The following CIBAR1 variants were observed in gnomAD, a reference collection of about 807,000 sequenced individuals.
CIBAR1 encodes CBY1 interacting BAR domain containing 1.
Under a neutral mutation model 44.0 loss-of-function variants are expected in CIBAR1, and 25 were observed. The observed-to-expected ratio is 0.57, with a 90% CI of 0.41 to 0.79. The LOEUF (loss-of-function observed/expected upper bound fraction) is 0.79, where lower values mean the gene tolerates loss of function less well. CIBAR1 is among the 30% of genes least tolerant of loss of function. CIBAR1 has a pLI of 0.00. For synonymous variants in CIBAR1, 115 were observed against 119.0 expected (o/e 0.97, Z 0.22); for missense variants, 278 against 344.8 (o/e 0.81, Z 1.53).
Position 93,704,930 on chromosome 8 carries a change from A to T in CIBAR1, c.352A>T (p.Thr118Ser), listed in dbSNP as rs746802290. 3 of 1,607,426 alleles carry T rather than the reference A, an allele frequency of 1.9e-6. No homozygotes were observed. The highest frequency in any genetic ancestry group is 2.7e-5 in the African/African-American group (2 of 74,730). The change falls in exon 4 of 9, where the codon ACA becomes TCA. Residue 118 changes from threonine (T) to serine (S), a missense_variant. This residue lies in a region of CIBAR1 where 183 missense variants were observed against 218.6 expected (regional missense o/e 0.84). Transcript: ENST00000518322. ...GCAGGATGACCTCAAAGCAACACTC[A>T]CAGCAAGGAATCGAGAAGCTAAGCA... ...MKRDDLKATL[T>S]ARNREAKQLT... is the part of the protein sequence containing the mutation.
Position 93,701,438 on chromosome 8 carries a change from C to G in CIBAR1, c.241C>G (p.Gln81Glu), listed in dbSNP as rs1272649718. 1.9e-6 allele frequency: 3 copies of G among 1,613,308 alleles called. No individual in the cohort carries two copies. The African/African-American group carries it at 4.0e-5, about 22-fold the overall frequency. ...CTTTGCAGATGAGTTTGCCAAACTT[C>G]AGGATTATCGACAAGCAGAGGTATG... ...MNFADEFAKL[Q>E]DYRQAEVERL... The change falls in exon 2 of 9, where the codon CAG becomes GAG. Residue 81 changes from glutamine (Q) to glutamate (E), a missense_variant. Physicochemically the swap from Gln to Glu is conservative, Grantham distance 29. Around this residue, in one of 3 missense-constraint regions of CIBAR1, gnomAD observed 183 missense variants for 218.6 expected, o/e 0.84. Coordinates refer to ENST00000518322, the MANE Select transcript of CIBAR1 (RefSeq NM_145269.5).
chr8:93,709,964 C>A, intron 6 of CIBAR1, 89 bp downstream of exon 6: 1 of 889,628 alleles, frequency 1.1e-6, no homozygotes, highest in Non-Finnish European at 1.7e-6. Context: ...AATTTTTTAG[C>A]CCATAATACC....
At chr8:93,726,601 C>T in intron 8 of CIBAR1, 88 bp downstream of exon 8, 1 of 1,495,954 alleles carries the variant, frequency 6.7e-7, no homozygotes, top group Non-Finnish European at 9.1e-7. Context: ...AGTCATATCA[C>T]CTCGGTAACT....
intron 6 of CIBAR1, chr8:93,715,537 A>G (rs565185726): frequency 6.6e-6 from 1 of 152,330 alleles, no homozygotes; most frequent in African/African-American, 2.4e-5. Flanking sequence ...AATAACAATA[A>G]CAAACATTTC....
intron 5 of CIBAR1, chr8:93,709,561 T>C: frequency 2.2e-6 from 1 of 451,850 alleles, no homozygotes; most frequent in Non-Finnish European, 4.0e-6. Flanking sequence ...GTTTTTTTTC[T>C]AGATCATGAA....
At chr8:93,703,573 T>G in intron 2 of CIBAR1, 47 bp from the exon 3 acceptor site, 1 of 1,174,686 alleles carries the variant, frequency 8.5e-7, no homozygotes, top group Non-Finnish European at 1.2e-6. Context: ...TATTTATAGG[T>G]TAAAATGTTA....
chr8:93,702,543 G>A (rs541358930), intron 2 of CIBAR1: 9 of 455,392 alleles, frequency 2.0e-5, no homozygotes, highest in African/African-American at 4.0e-5. Flanking sequence ...ATGACAAAAA[G>A]GTAGGCAACA....
intron 2 of CIBAR1, chr8:93,702,352 CTT>C (rs1810397469): frequency 2.6e-6 from 1 of 387,628 alleles, no homozygotes; most frequent in African/African-American, 2.1e-5. Context: ...TAACTGGGGA[CTT>C]AATGTTTCAA....
At chr8:93,710,540 A>G (rs568780948) in intron 6 of CIBAR1, among the ~76,000 whole-genome samples, 1 of 151,892 alleles carries the variant, frequency 6.6e-6, no homozygotes, top group Non-Finnish European at 1.5e-5. Context: ...AGGTGGTGTT[A>G]TGAAATTAAG....
At chr8:93,721,496 A>G (rs1171663313) in intron 7 of CIBAR1, among the ~76,000 whole-genome samples, 1 of 152,218 alleles carries the variant, frequency 6.6e-6, no homozygotes, top group African/African-American at 2.4e-5. Context: ...AGCTCTATGT[A>G]AAACTAAAGG....
In CIBAR1 at chr8:93,701,477, G is replaced by A; in HGVS notation, c.261+19G>A. The A allele has an allele frequency of 6.2e-7, 1 of 1,600,828 alleles. No homozygotes were observed. The highest frequency in any genetic ancestry group is 1.3e-5 in the African/African-American group (1 of 74,818). On this transcript the variant is annotated intron_variant, in intron 2 of 8. Coordinates refer to ENST00000518322, the MANE Select transcript of CIBAR1 (RefSeq NM_145269.5). ...AGCAGAGGTATGGAGTGAGATCACA[G>A]TGTCATTGTTATGAATGAGCCATGA...
At chr8:93,724,586 A>G (rs951950960) in intron 7 of CIBAR1, 32 of 1,273,940 alleles carry the variant, frequency 2.5e-5, no homozygotes, top group Admixed American at 4.7e-5. Context: ...TTGGCCTCCC[A>G]AAGTGTCAGG....
At chr8:93,706,636 G>A (rs896352961) in intron 4 of CIBAR1, among the ~76,000 whole-genome samples, 1 of 152,140 alleles carries the variant, frequency 6.6e-6, no homozygotes, top group Non-Finnish European at 1.5e-5. Context: ...ATGCTGTGCT[G>A]TAAACACTGC....
chr8:93,705,241 A>G (rs1292137181), intron 4 of CIBAR1: 4 of 431,202 alleles, frequency 9.3e-6, no homozygotes, highest in Admixed American at 4.1e-5. Context: ...CGAACAAACA[A>G]AAAATTCAGA....
At position 93,729,693 on chromosome 8, in the gene CIBAR1, T is replaced by C. The variant is rs919309488; in HGVS notation, c.*1396T>C. 2 of 152,208 alleles carry C rather than the reference T, an allele frequency of 1.3e-5. No homozygotes were observed. Among genetic ancestry groups the C allele is most frequent in the Admixed American group, 1.3e-4 (2 of 15,278 alleles). The allele number at this position is 152,208 out of a possible 1,614,324, so 9.4% of individuals were successfully genotyped here. On this transcript the variant is annotated 3_prime_UTR_variant, in exon 9 of 9. Transcript: ENST00000518322. ...TTGGCAAACTTCTTAAAGGGCCAGA[T>C]AGCAAATACTGTTATTCTTCGTGGG...
At chr8:93,701,609 A>C (rs1810362070) in intron 2 of CIBAR1, 151 bp downstream of exon 2, 1 of 671,000 alleles carries the variant, frequency 1.5e-6, no homozygotes, top group South Asian at 2.0e-5. Context: ...GTGTGAGTCT[A>C]TTAAAGAGAA....
Position 93,700,619 on chromosome 8 carries a change from G to GC in CIBAR1, c.-28dup. ...TTGGAATCCCCGTCCTTGGGCCCCC[G>GC]CAAGGTCCCCGGCCGTGCGCGAGGC... On this transcript the variant is annotated 5_prime_UTR_variant, in exon 1 of 9. Transcript: ENST00000518322. 6.7e-7 allele frequency: 1 copy of GC among 1,482,104 alleles called. No individual in the cohort carries two copies. Among genetic ancestry groups the GC allele is most frequent in the Non-Finnish European group, 9.0e-7 (1 of 1,116,130 alleles). 91.8% of individuals were successfully genotyped at this position (1,482,104 alleles called of 1,614,324 possible). A position where few individuals can be genotyped will look rare whatever the true frequency, so the allele number is the denominator to read the frequency against.
At chr8:93,701,938 C>T (rs1310977542) in intron 2 of CIBAR1, 1 of 204,664 alleles carries the variant, frequency 4.9e-6, no homozygotes, top group African/African-American at 2.4e-5. Flanking sequence ...CAACAAAATG[C>T]TATGAATTGT....
In CIBAR1 at chr8:93,721,331, A is replaced by G. The variant is rs533718535; in HGVS notation, c.657+2543A>G. Among the ~76,000 whole-genome samples the G allele has an allele frequency of 1.8e-4, 28 of 152,314 alleles. No homozygotes were observed. The South Asian group carries it at 5.8e-3, about 32-fold the overall frequency. On this transcript the variant is annotated intron_variant, in intron 7 of 8. Transcript: ENST00000518322. ...CTTTGTATAATACCTTTGACATACC[A>G]TTTGTTAACTGACCTTAAAGTTCCT...
Sources: allele counts gnomAD v4.1 joint callset (sites outside exome capture counted in the v4.1 genomes callset), GRCh38; gene constraint gnomAD v4.1.1; regional missense constraint gnomAD v4.1.1; transcripts MANE v1.5; gene names NCBI Gene and HGNC (gene_info 2026-07-23, HGNC 2026-07-21).